SPARCL1: variants seen among roughly 807,000 people sequenced by gnomAD.
SPARCL1 encodes SPARC-like protein 1.
SPARCL1 carries 52 observed loss-of-function variants against 67.1 expected under a neutral mutation model. That is an observed-to-expected ratio of 0.78 (90% confidence interval 0.62 to 0.98). The LOEUF (loss-of-function observed/expected upper bound fraction) is 0.98, where lower values mean the gene tolerates loss of function less well. SPARCL1 is among the 50% of genes least tolerant of loss of function. The probability of loss-of-function intolerance (pLI) is 0.00; values close to 1 mark genes in which losing one functional copy is unlikely to be tolerated. For missense variants in SPARCL1, 717 were observed against 782.4 expected (o/e 0.92, Z 1.00); for synonymous variants, 226 against 267.8 (o/e 0.84, Z 1.52).
At chr4:87,511,698 C>T (rs1308360913) in intron 1 of SPARCL1, among the ~76,000 whole-genome samples, 6 of 151,818 alleles carry the variant, frequency 4.0e-5, no homozygotes, top group African/African-American at 1.5e-4. Context: ...GGAAATTATC[C>T]ATTGCCTCTG....
At chr4:87,487,061 G>A (rs1724106394) in intron 7 of SPARCL1, among the ~76,000 whole-genome samples, 1 of 151,588 alleles carries the variant, frequency 6.6e-6, no homozygotes, top group East Asian at 1.9e-4. Flanking sequence ...GCCAGTCTGT[G>A]TCTTTTAATT....
At chr4:87,511,504 T>C (rs1370328404) in intron 1 of SPARCL1, among the ~76,000 whole-genome samples, 1 of 152,184 alleles carries the variant, frequency 6.6e-6, no homozygotes, top group Non-Finnish European at 1.5e-5. Flanking sequence ...GCTTGCATGC[T>C]GTAGCATGAG....
At chr4:87,517,869 C>T (rs1013358846) in intron 1 of SPARCL1, among the ~76,000 whole-genome samples, 1 of 152,144 alleles carries the variant, frequency 6.6e-6, no homozygotes, top group Non-Finnish European at 1.5e-5. Context: ...TTCCAAGTAG[C>T]CTCATTCTCA....
intron 1 of SPARCL1, among the ~76,000 whole-genome samples, chr4:87,528,387 G>A (rs1726139156): frequency 6.6e-6 from 1 of 152,032 alleles, no homozygotes; most frequent in Non-Finnish European, 1.5e-5. Context: ...ACATTATCAA[G>A]AATTAGAGAA....
intron 3 of SPARCL1, 50 bp from the exon 4 acceptor site, chr4:87,494,648 A>T: frequency 7.2e-7 from 1 of 1,391,998 alleles, no homozygotes; most frequent in Non-Finnish European, 9.7e-7. Flanking sequence ...ATGTAACCAT[A>T]TTTATGCCTA....
At chr4:87,488,354 G>T (rs1190315940) in intron 7 of SPARCL1, among the ~76,000 whole-genome samples, 1 of 152,146 alleles carries the variant, frequency 6.6e-6, no homozygotes, top group African/African-American at 2.4e-5. Context: ...AGGCCCCTCT[G>T]CTGCAGGTCT....
intron 7 of SPARCL1, among the ~76,000 whole-genome samples, chr4:87,489,875 T>A (rs1476785260): frequency 6.6e-6 from 1 of 152,104 alleles, no homozygotes; most frequent in Non-Finnish European, 1.5e-5. Flanking sequence ...CTTAAAACAC[T>A]TCTGGAAAAA....
intron 9 of SPARCL1, 74 bp from the exon 10 acceptor site, chr4:87,479,652 G>A: frequency 6.9e-7 from 1 of 1,453,292 alleles, no homozygotes; most frequent in Non-Finnish European, 9.5e-7. Context: ...GCTCACCAAG[G>A]ACATTTTTCT....
chr4:87,519,798 A>G (rs1725731274), intron 1 of SPARCL1, among the ~76,000 whole-genome samples: 3 of 152,174 alleles, frequency 2.0e-5, no homozygotes, highest in South Asian at 4.1e-4. Context: ...CTATTTTCAT[A>G]AATTACTGTT....
intron 10 of SPARCL1, 48 bp from the exon 11 acceptor site, chr4:87,473,851 G>A: frequency 7.6e-7 from 1 of 1,313,166 alleles, no homozygotes; most frequent in Non-Finnish European, 1.1e-6. Flanking sequence ...AGTAGCCAGA[G>A]TAGTAGCACA....
chr4:87,480,433 G>A lies in SPARCL1; in HGVS notation c.1756C>T (p.His586Tyr). Residue 586 changes from histidine to tyrosine, a missense_variant, in exon 9 of 11, where the codon CAC becomes TAC. Coordinates refer to ENST00000282470, the MANE Select transcript of SPARCL1 (RefSeq NM_004684.6). ...CAGTGCACAGGATACACATACATGT[G>A]GTAGTTTTTCTTAAAGTCCCTTAAG... ...LLLRDFKKNY[H>Y]MYVYPVHWQF... 1.2e-6 allele frequency: 2 copies of A among 1,613,336 alleles called. No individual in the cohort carries two copies. Among genetic ancestry groups the A allele is most frequent in the Middle Eastern group, 1.7e-4 (1 of 6,060 alleles).
At chr4:87,484,686 A>C (rs1388061141) in intron 7 of SPARCL1, among the ~76,000 whole-genome samples, 1 of 152,124 alleles carries the variant, frequency 6.6e-6, no homozygotes, top group African/African-American at 2.4e-5. Flanking sequence ...AACCATTTTC[A>C]CGATATTGAT....
At chr4:87,516,625 A>T (rs1306774211) in intron 1 of SPARCL1, among the ~76,000 whole-genome samples, 1 of 152,084 alleles carries the variant, frequency 6.6e-6, no homozygotes, top group Non-Finnish European at 1.5e-5. Flanking sequence ...GTGCTTCCTG[A>T]CCATCCCTCT....
In SPARCL1 at chr4:87,513,134, A is replaced by G. The variant is rs981332008; in HGVS notation, c.-11-13549T>C. On this transcript the variant is annotated intron_variant, in intron 1 of 10. Coordinates refer to ENST00000282470, the MANE Select transcript of SPARCL1 (RefSeq NM_004684.6). Reference sequence around the variant, plus strand: ...GTCTTGAGGCAGGGTTCCAAGGAATATTAACTTATTAAGATGGATTTAGTT... The same window carrying G: ...GTCTTGAGGCAGGGTTCCAAGGAATGTTAACTTATTAAGATGGATTTAGTT... Among the ~76,000 whole-genome samples, 4 of 152,252 alleles carry G rather than the reference A, an allele frequency of 2.6e-5. No individual in the cohort carries two copies. The South Asian group carries it at 8.3e-4, about 32-fold the overall frequency.
intron 1 of SPARCL1, among the ~76,000 whole-genome samples, chr4:87,513,797 C>T (rs531266342): frequency 6.6e-6 from 1 of 152,302 alleles, no homozygotes; most frequent in South Asian, 2.1e-4. Context: ...AACATATTTA[C>T]TTTTAGTTCA....
intron 6 of SPARCL1, 32 bp downstream of exon 6, chr4:87,490,728 G>T: frequency 7.3e-7 from 1 of 1,360,820 alleles, no homozygotes; most frequent in South Asian, 1.3e-5. Context: ...ACCTTTTGGA[G>T]CCACTTAAAG....
chr4:87,486,860 T>G (rs1724079645), intron 7 of SPARCL1, among the ~76,000 whole-genome samples: 1 of 150,388 alleles, frequency 6.6e-6, no homozygotes, highest in Non-Finnish European at 1.5e-5. Flanking sequence ...AAAGCCTGTT[T>G]TATCTGAGGC....
chr4:87,492,529 G>A (rs925301438), intron 4 of SPARCL1, among the ~76,000 whole-genome samples: 2 of 152,130 alleles, frequency 1.3e-5, no homozygotes, highest in Admixed American at 6.5e-5. Flanking sequence ...GATTTAGTGC[G>A]TTATCTCTGG....
chr4:87,475,792 A>G (rs1410747754), intron 10 of SPARCL1, among the ~76,000 whole-genome samples: 1 of 152,228 alleles, frequency 6.6e-6, no homozygotes, highest in African/African-American at 2.4e-5. Flanking sequence ...GGTAATGTAA[A>G]TTAGTTGAGC....
Sources: gnomAD v4.1 joint callset for allele counts (sites outside exome capture counted in the v4.1 genomes callset) on GRCh38, gnomAD v4.1.1 for gene constraint, MANE v1.5 for transcripts, NCBI Gene and HGNC (gene_info 2026-07-23, HGNC 2026-07-21) for gene names.